Variants in SDCCAG8 observed in about 807,000 individuals in gnomAD.
SDCCAG8 encodes the protein serologically defined colon cancer antigen 8.
A neutral mutation model predicts 101.8 loss-of-function variants in SDCCAG8; 74 were observed. The ratio of observed to expected loss-of-function variants is 0.73; its 90% CI spans 0.60 to 0.88. The LOEUF (loss-of-function observed/expected upper bound fraction) is 0.88, where lower values mean the gene tolerates loss of function less well. SDCCAG8 is among the 40% of genes least tolerant of loss of function. SDCCAG8 has a pLI of 0.00. For synonymous variants in SDCCAG8, 281 were observed against 292.9 expected (o/e 0.96, Z 0.41); for missense variants, 787 against 822.6 (o/e 0.96, Z 0.53).
chr1:243,308,113 CATGA>C lies in SDCCAG8; in HGVS notation c.867_870del (p.His289GlnfsTer26). 1 of 1,614,152 alleles carries C rather than the reference CATGA, an allele frequency of 6.2e-7. No individual in the cohort carries two copies. The highest frequency in any genetic ancestry group is 8.5e-7 in the Non-Finnish European group (1 of 1,180,014). On this transcript the variant is annotated frameshift_variant, in exon 8 of 18. Transcript: ENST00000366541. LOFTEE classifies it high-confidence loss of function. ...TGGTCTTTGTTTGAAATGTGCTCAG[CATGA>C]AGCTGTTCTTTCCCAAACCCATACT...
intron 15 of SDCCAG8, among the ~76,000 whole-genome samples, chr1:243,420,185 G>A (rs2080893932): frequency 6.6e-6 from 1 of 152,150 alleles, no homozygotes. Flanking sequence ...TCTCCCACTT[G>A]GAGCTTTGTA....
intron 16 of SDCCAG8, among the ~76,000 whole-genome samples, chr1:243,433,105 T>A (rs573931891): frequency 6.9e-4 from 105 of 152,158 alleles, no homozygotes; most frequent in African/African-American, 2.5e-3. Context: ...CAGAAGAGAT[T>A]ATATGAGCTG....
chr1:243,286,776 A>C (rs1375658383), intron 5 of SDCCAG8, among the ~76,000 whole-genome samples: 2 of 152,212 alleles, frequency 1.3e-5, no homozygotes, highest in African/African-American at 4.8e-5. Context: ...TAATAAGTCT[A>C]ATTAGCTGCA....
intron 2 of SDCCAG8, among the ~76,000 whole-genome samples, chr1:243,270,599 T>G (rs1315620555): frequency 6.6e-6 from 1 of 152,194 alleles, no homozygotes; most frequent in Non-Finnish European, 1.5e-5. Context: ...CTTTGACATG[T>G]GCAGTGACTT....
chr1:243,338,421 CTTTT>C (rs201615104), intron 10 of SDCCAG8, among the ~76,000 whole-genome samples: 1 of 140,952 alleles, frequency 7.1e-6, no homozygotes, highest in Admixed American at 7.3e-5. Context: ...CCTTACTTTT[CTTTT>C]TTTTTTTTTT....
intron 12 of SDCCAG8, among the ~76,000 whole-genome samples, chr1:243,357,315 G>T (rs1319693581): frequency 6.6e-6 from 1 of 151,938 alleles, no homozygotes; most frequent in Non-Finnish European, 1.5e-5. Context: ...GGAGACGGAG[G>T]TTGCAGTGAG....
In SDCCAG8 at chr1:243,378,774, G is replaced by A. The variant is rs2077756382; in HGVS notation, c.1527G>A (p.Gln509=). 6.2e-7 allele frequency: 1 copy of A among 1,614,018 alleles called. No individual in the cohort carries two copies. Among genetic ancestry groups the A allele is most frequent in the Admixed American group, 1.7e-5 (1 of 59,982 alleles). The change falls in exon 13 of 18, where the codon CAG becomes CAA. Residue 509 remains glutamine (Q), a synonymous_variant. Transcript: ENST00000366541. The part of the protein sequence containing the change: ...ELDESKQHLE[Q]EQQKAALARE... ...ATGAAAGCAAACAACACTTGGAACA[G>A]GAGCAGCAGAAGGCAGCCCTGGCCA...
At chr1:243,293,278 T>G in intron 6 of SDCCAG8, 59 bp downstream of exon 6, 1 of 1,544,958 alleles carries the variant, frequency 6.5e-7, no homozygotes, top group African/African-American at 1.4e-5. Context: ...CTTTTGTACT[T>G]TTTTAAAATT....
chr1:243,407,263 G>T lies in SDCCAG8; in HGVS notation c.1617-8439G>T, dbSNP rs72759863. 3.4e-3 allele frequency among the ~76,000 whole-genome samples: 520 copies of T among 152,322 alleles called. 4 individuals carry two copies. The highest frequency in any genetic ancestry group is 5.4e-3 in the Non-Finnish European group (364 of 68,022). On this transcript the variant is annotated intron_variant, in intron 13 of 17. Coordinates refer to ENST00000366541, the MANE Select transcript of SDCCAG8 (RefSeq NM_006642.5). ...AAGAACACTGGACTTGGAGTGAGAA[G>T]ACAGATTTGGATTCCAGCTTTGCTA...
intron 4 of SDCCAG8, among the ~76,000 whole-genome samples, chr1:243,285,804 C>T (rs2069556045): frequency 6.6e-6 from 1 of 152,324 alleles, no homozygotes. Flanking sequence ...CTACAATTCT[C>T]TCTTATTTGG....
intron 16 of SDCCAG8, among the ~76,000 whole-genome samples, chr1:243,435,954 T>C (rs1176965740): frequency 1.3e-5 from 2 of 152,138 alleles, no homozygotes; most frequent in Admixed American, 6.6e-5. Context: ...ATATACCCCA[T>C]ACATGCATAG....
At chr1:243,473,945 G>GGGGGGGT in intron 16 of SDCCAG8, among the ~76,000 whole-genome samples, 2 of 130,562 alleles carry the variant, frequency 1.5e-5, no homozygotes, top group African/African-American at 2.9e-5. Context: ...GGGGGCCGGG[G>GGGGGGGT]GAGTACTTCT....
chr1:243,261,219 T>C (rs767191053), intron 1 of SDCCAG8, among the ~76,000 whole-genome samples: 1 of 152,304 alleles, frequency 6.6e-6, no homozygotes, highest in South Asian at 2.1e-4. Context: ...CCCTCTTTTC[T>C]TCCAAGAAGG....
At chr1:243,421,558 G>C (rs1384512011) in intron 15 of SDCCAG8, among the ~76,000 whole-genome samples, 1 of 152,182 alleles carries the variant, frequency 6.6e-6, no homozygotes, top group African/African-American at 2.4e-5. Context: ...ACAGTAGTTT[G>C]CGCGCTCTGT....
chr1:243,307,281 C>A (rs1354979940), intron 7 of SDCCAG8: 1 of 348,606 alleles, frequency 2.9e-6, no homozygotes, highest in South Asian at 1.2e-4. Flanking sequence ...CACCCCCACC[C>A]CCACCATTCC....
intron 16 of SDCCAG8, among the ~76,000 whole-genome samples, chr1:243,480,512 T>A (rs1261093538): frequency 1.8e-4 from 3 of 16,268 alleles, no homozygotes; most frequent in Non-Finnish European, 2.5e-4. Flanking sequence ...GATGGATAGG[T>A]GGGATGGGTG....
chr1:243,265,576 G>A (rs1343709734), intron 1 of SDCCAG8, among the ~76,000 whole-genome samples: 1 of 152,250 alleles, frequency 6.6e-6, no homozygotes, highest in South Asian at 2.1e-4. Flanking sequence ...ACTTTGGGAG[G>A]CCAAGGTGGG....
At chr1:243,401,575 A>G (rs946278324) in intron 13 of SDCCAG8, among the ~76,000 whole-genome samples, 1 of 152,216 alleles carries the variant, frequency 6.6e-6, no homozygotes, top group Non-Finnish European at 1.5e-5. Context: ...ATTTACATTC[A>G]CTTATTAGGA....
At chr1:243,422,294 G>A (rs2081066375) in intron 15 of SDCCAG8, among the ~76,000 whole-genome samples, 3 of 152,174 alleles carry the variant, frequency 2.0e-5, no homozygotes, top group Middle Eastern at 6.8e-3. Flanking sequence ...GGTTTAATTT[G>A]TTTCACTTCT....
Sources: gnomAD v4.1 joint callset for allele counts (sites outside exome capture counted in the v4.1 genomes callset) on GRCh38, gnomAD v4.1.1 for gene constraint, MANE v1.5 for transcripts, NCBI Gene and HGNC (gene_info 2026-07-23, HGNC 2026-07-21) for gene names.